RANBP1: variants seen among roughly 807,000 people sequenced by gnomAD.
RANBP1 encodes ran-specific GTPase-activating protein.
In RANBP1, 16 loss-of-function variants were observed where a neutral mutation model predicts 31.4. That is an observed-to-expected ratio of 0.51 (90% CI 0.34 to 0.77). The LOEUF (loss-of-function observed/expected upper bound fraction) is 0.77. RANBP1 is among the 30% of genes least tolerant of loss of function. The probability of loss-of-function intolerance (pLI) is 0.01; values close to 1 mark genes in which losing one functional copy is unlikely to be tolerated. For synonymous variants in RANBP1, 129 were observed against 140.5 expected (o/e 0.92, Z 0.58); for missense variants, 265 against 362.0 (o/e 0.73, Z 2.17).
intron 1 of RANBP1, chr22:20,117,073 C>G (rs956812004): frequency 4.5e-6 from 4 of 897,498 alleles, no homozygotes; most frequent in African/African-American, 3.3e-5. Flanking sequence ...CCCGGCTTCG[C>G]CCCAGGCGGG....
chr22:20,117,838 C>G (rs1286918632), intron 1 of RANBP1: 31 of 1,019,446 alleles, frequency 3.0e-5, no homozygotes, highest in Non-Finnish European at 3.6e-5. Flanking sequence ...GGCTCGAGGC[C>G]TGCGGAGTTG....
chr22:20,116,459 A>G, intron 1 of RANBP1, 29 bp downstream of exon 1: 1 of 1,612,856 alleles, frequency 6.2e-7, no homozygotes, highest in Non-Finnish European at 8.5e-7. Flanking sequence ...ATGTAGCTGT[A>G]GAGCCCGGGC....
intron 1 of RANBP1, chr22:20,116,811 G>T (rs1197366151): frequency 4.1e-6 from 6 of 1,472,696 alleles, no homozygotes. Flanking sequence ...CTATTCTCTG[G>T]CAGGTTTCCT....
At chr22:20,121,560 T>G (rs552557126) in intron 2 of RANBP1, among the ~76,000 whole-genome samples, 9 of 151,950 alleles carry the variant, frequency 5.9e-5, no homozygotes, top group South Asian at 2.1e-4. Flanking sequence ...GTTTTGTTTT[T>G]TTTTAAAATA....
chr22:20,127,193 T>G lies in RANBP1; in HGVS notation c.*141T>G, dbSNP rs944116170. 5 of 648,988 alleles carry G rather than the reference T, an allele frequency of 7.7e-6. No homozygotes were observed. The highest frequency in any genetic ancestry group is 3.4e-5 in the East Asian group (1 of 29,644). 40.2% of individuals were successfully genotyped at this position (648,988 alleles called of 1,614,324 possible). ...AAAGAACTGAACTCAACATTCAGGTTGTTTTTTTTTTTTGTTTCTAAGTTT... is the reference window on the plus strand; with the variant it reads ...AAAGAACTGAACTCAACATTCAGGTGGTTTTTTTTTTTTGTTTCTAAGTTT... On this transcript the variant is annotated 3_prime_UTR_variant, in exon 6 of 6. Coordinates refer to ENST00000430524, the MANE Select transcript of RANBP1 (RefSeq NM_001278639.2).
intron 3 of RANBP1, chr22:20,122,706 T>G: frequency 7.8e-7 from 1 of 1,284,836 alleles, no homozygotes; most frequent in Non-Finnish European, 1.0e-6. Flanking sequence ...GAGTGAGTGC[T>G]GCAGGGCGAG....
At position 20,118,288 on chromosome 22, in the gene RANBP1, C is replaced by G. The variant is rs1385154882; in HGVS notation, c.247-725C>G. 4.0e-6 allele frequency: 4 copies of G among 1,002,306 alleles called. No homozygotes were observed. The African/African-American group carries it at 5.2e-5, about 13-fold the overall frequency. 62.1% of individuals were successfully genotyped at this position (1,002,306 alleles called of 1,614,324 possible). A position where few individuals can be genotyped will look rare whatever the true frequency, so the allele number is the denominator to read the frequency against. On this transcript the variant is annotated intron_variant, in intron 1 of 5. Transcript: ENST00000430524. ...TGAGTCTAGTGGTGAAGTCTTGGGT[C>G]TCTTACGGACTTCTGGGTGACCAAG...
chr22:20,117,449 A>G (rs1390290314), intron 1 of RANBP1: 1 of 1,192,640 alleles, frequency 8.4e-7, no homozygotes, highest in Non-Finnish European at 1.0e-6. Context: ...GAGCCAATAA[A>G]GCTGTACTGG....
At chr22:20,116,776 C>A (rs1215901998) in intron 1 of RANBP1, 1 of 1,463,062 alleles carries the variant, frequency 6.8e-7, no homozygotes, top group South Asian at 1.3e-5. Flanking sequence ...CCTTTCCTCC[C>A]CTATCGCACC....
In RANBP1 at chr22:20,125,456, G is replaced by A; in HGVS notation, c.670+20G>A. ...CTGAGAGTGAGCCAAGGGCCCTGGG[G>A]ACCTGCCTGACTTGGGGCTCACCTG... On this transcript the variant is annotated intron_variant, in intron 4 of 5. Transcript: ENST00000430524. 1 of 1,588,516 alleles carries A rather than the reference G, an allele frequency of 6.3e-7. No homozygotes were observed. The highest frequency in any genetic ancestry group is 8.6e-7 in the Non-Finnish European group (1 of 1,167,444).
At chr22:20,117,615 C>T (rs2050066394) in intron 1 of RANBP1, 2 of 1,313,300 alleles carry the variant, frequency 1.5e-6, no homozygotes, top group Non-Finnish European at 1.9e-6. Context: ...CAGCGACGAC[C>T]GACCCAGCCG....
chr22:20,124,990 T>G, intron 3 of RANBP1: 1 of 339,568 alleles, frequency 2.9e-6, no homozygotes, highest in Non-Finnish European at 5.5e-6. Flanking sequence ...TTTCTGGAGG[T>G]GGGGGTCTGT....
Position 20,126,222 on chromosome 22 carries a change from A to G in RANBP1, c.671-81A>G, listed in dbSNP as rs867503336. Reference sequence around the variant, plus strand: ...TTACCATGAAATGGGTCTTCTGTGAATCCTGACTCTTCAGACCCGGCAGGG... The same window carrying G: ...TTACCATGAAATGGGTCTTCTGTGAGTCCTGACTCTTCAGACCCGGCAGGG... On this transcript the variant is annotated intron_variant, in intron 4 of 5. Coordinates refer to ENST00000430524, the MANE Select transcript of RANBP1 (RefSeq NM_001278639.2). The G allele has an allele frequency of 3.3e-6, 5 of 1,501,188 alleles. No individual in the cohort carries two copies. The Admixed American group carries it at 5.7e-5, about 17-fold the overall frequency. The allele number at this position is 1,501,188 out of a possible 1,614,324, so 93.0% of individuals were successfully genotyped here.
rs1022805738 is a variant in RANBP1, at chr22:20,120,299, A to G, written c.383+1150A>G. Among the ~76,000 whole-genome samples the G allele has an allele frequency of 3.3e-5, 5 of 152,320 alleles. No individual in the cohort carries two copies. The East Asian group carries it at 7.7e-4, about 23-fold the overall frequency. On this transcript the variant is annotated intron_variant, in intron 2 of 5. Transcript: ENST00000430524. ...ATCTCCCTGAAACCACTGGGTGGCC[A>G]TGGCTCCACTCTGCTGATGCATTGC...
intron 1 of RANBP1, chr22:20,116,755 C>A (rs2050037375): frequency 1.6e-5 from 22 of 1,417,888 alleles, no homozygotes; most frequent in Non-Finnish European, 2.1e-5. Flanking sequence ...CTCCCGACCC[C>A]ATTCCCGTCT....
chr22:20,119,860 G>A (rs1166397225), intron 2 of RANBP1, among the ~76,000 whole-genome samples: 4 of 152,168 alleles, frequency 2.6e-5, no homozygotes, highest in Admixed American at 6.5e-5. Context: ...CATGAAAATA[G>A]GTGATGGTTT....
intron 1 of RANBP1, chr22:20,117,260 C>A (rs1000172388): frequency 4.6e-5 from 27 of 586,872 alleles, no homozygotes; most frequent in Non-Finnish European, 6.7e-5. Flanking sequence ...TCGTCACGCG[C>A]CGGATCCAAC....
intron 3 of RANBP1, 32 bp downstream of exon 3, chr22:20,122,453 C>G: frequency 6.2e-7 from 1 of 1,611,384 alleles, no homozygotes. Flanking sequence ...CTCGACAGTC[C>G]CCAGCAGCTT....
At chr22:20,126,589 T>G in intron 5 of RANBP1, 1 of 1,538,990 alleles carries the variant, frequency 6.5e-7, no homozygotes, top group Non-Finnish European at 8.8e-7. Context: ...GGGCAGGCAT[T>G]GGAGTCCGGG....
Sources: allele counts gnomAD v4.1 joint callset (sites outside exome capture counted in the v4.1 genomes callset), GRCh38; gene constraint gnomAD v4.1.1; transcripts MANE v1.5; gene names NCBI Gene and HGNC (gene_info 2026-07-23, HGNC 2026-07-21).